PHLPP1: variants seen among roughly 807,000 people sequenced by gnomAD.
PHLPP1 encodes the protein PH domain and leucine rich repeat protein phosphatase 1.
Under a neutral mutation model 117.2 loss-of-function variants are expected in PHLPP1, and 42 were observed. The ratio of observed to expected loss-of-function variants is 0.36; its 90% confidence interval spans 0.28 to 0.46. PHLPP1 has a LOEUF of 0.46. Among genes scored for constraint, PHLPP1 ranks in the 20% least tolerant of loss-of-function variants. The pLI is 1.00. For synonymous variants in PHLPP1, 1,042 were observed against 970.7 expected (o/e 1.07, Z -1.37); for missense variants, 2,084 against 2,241.9 (o/e 0.93, Z 1.42).
Position 62,717,146 on chromosome 18 carries a change from A to G in PHLPP1, c.1463A>G (p.Lys488Arg), listed in dbSNP as rs1910778844. The change falls in exon 1 of 17, where the codon AAG (lysine) becomes AGG (arginine). Residue 488 changes from lysine to arginine, a missense_variant. Lys to Arg is a conservative substitution (Grantham distance 26). This residue lies in a region of PHLPP1 where 1,365 missense variants were observed against 1,605.9 expected (regional missense o/e 0.85). Coordinates refer to ENST00000262719, the MANE Select transcript of PHLPP1 (RefSeq NM_194449.4). ...ACCCGGCGCTTGGAGGCGGAGGAGAAGCCATTGCAGATCCAAAATGACTAC... is the reference window on the plus strand; with the variant it reads ...ACCCGGCGCTTGGAGGCGGAGGAGAGGCCATTGCAGATCCAAAATGACTAC... The part of the protein sequence containing the change: ...ETTRRLEAEE[K>R]PLQIQNDYLF... The G allele has an allele frequency of 1.2e-6, 2 of 1,610,954 alleles. No homozygotes were observed. Among genetic ancestry groups the G allele is most frequent in the South Asian group, 1.1e-5 (1 of 90,274 alleles).
intron 4 of PHLPP1, among the ~76,000 whole-genome samples, chr18:62,862,154 A>C (rs557202047): frequency 3.3e-5 from 5 of 151,364 alleles, no homozygotes; most frequent in Admixed American, 3.3e-4. Flanking sequence ...ATCTCGGCTC[A>C]CTGCAACCAC....
chr18:62,823,302 A>G (rs975015745), intron 1 of PHLPP1, among the ~76,000 whole-genome samples: 6 of 152,178 alleles, frequency 3.9e-5, no homozygotes, highest in African/African-American at 7.2e-5. Flanking sequence ...ACAGCGACTC[A>G]GGCTTATAAT....
At chr18:62,749,234 T>G (rs1457524522) in intron 1 of PHLPP1, among the ~76,000 whole-genome samples, 1 of 121,402 alleles carries the variant, frequency 8.2e-6, no homozygotes, top group Non-Finnish European at 1.7e-5. Flanking sequence ...ATATATAAGG[T>G]TTTTTTTTTT....
At chr18:62,839,132 A>C (rs1386582512) in intron 3 of PHLPP1, 3 of 492,750 alleles carry the variant, frequency 6.1e-6, no homozygotes, top group African/African-American at 5.8e-5. Flanking sequence ...CTTAAAAATA[A>C]ATTGGTCTGT....
chr18:62,766,102 T>TATATATATATATATATATATATAA (rs1491446982), intron 1 of PHLPP1, among the ~76,000 whole-genome samples: 18 of 60,656 alleles, frequency 3.0e-4, no homozygotes, highest in Admixed American at 7.6e-4. Context: ...TATATATATA[T>TATATATATATATATATATATATAA]AAAATATATA....
intron 10 of PHLPP1, among the ~76,000 whole-genome samples, chr18:62,934,924 A>G (rs185120415): frequency 1.1e-3 from 167 of 152,292 alleles, no homozygotes; most frequent in African/African-American, 3.8e-3. Context: ...CCTAAAGCCA[A>G]TTTCTTAATG....
At chr18:62,900,264 T>G (rs1223259862) in intron 6 of PHLPP1, among the ~76,000 whole-genome samples, 2 of 151,574 alleles carry the variant, frequency 1.3e-5, no homozygotes, top group African/African-American at 4.9e-5. Context: ...ACCACTGCAC[T>G]CCAACCTGGG....
At chr18:62,809,764 A>AT (rs950231068) in intron 1 of PHLPP1, among the ~76,000 whole-genome samples, 13 of 152,034 alleles carry the variant, frequency 8.6e-5, no homozygotes, top group African/African-American at 2.4e-4. Context: ...TTGGGGCACT[A>AT]TTTTTTTAAA....
intron 7 of PHLPP1, 147 bp downstream of exon 7, chr18:62,903,313 C>A: frequency 1.6e-6 from 1 of 627,416 alleles, no homozygotes; most frequent in East Asian, 2.7e-5. Flanking sequence ...AAGAAAAATG[C>A]TGACTTATTG....
At chr18:62,930,971 C>T (rs575765983) in intron 10 of PHLPP1, among the ~76,000 whole-genome samples, 2 of 151,896 alleles carry the variant, frequency 1.3e-5, no homozygotes, top group South Asian at 2.1e-4. Context: ...AGGAGGCTCA[C>T]GAGGTCAGGA....
chr18:62,817,980 G>T (rs1599063148), intron 1 of PHLPP1, among the ~76,000 whole-genome samples: 1 of 150,030 alleles, frequency 6.7e-6, no homozygotes, highest in African/African-American at 2.5e-5. Context: ...TCAGCCTCCC[G>T]AGTAGCTGGG....
At position 62,940,354 on chromosome 18, in the gene PHLPP1, C is replaced by CTTTTTTTTTTTTTTTTT. The variant is rs66530466; in HGVS notation, c.2961-1352_2961-1336dup. On this transcript the variant is annotated intron_variant, in intron 10 of 16. Coordinates refer to ENST00000262719, the MANE Select transcript of PHLPP1 (RefSeq NM_194449.4). ...ATCCACGTTTCTTTTTCTTTCTTTT[C>CTTTTTTTTTTTTTTTTT]TTTTTTTTTTTTTTTTTTTTTTTTT... 1.3e-3 allele frequency among the ~76,000 whole-genome samples: 61 copies of CTTTTTTTTTTTTTTTTT among 46,814 alleles called. 11 individuals are homozygous for CTTTTTTTTTTTTTTTTT. Among genetic ancestry groups the CTTTTTTTTTTTTTTTTT allele is most frequent in the African/African-American group, 2.0e-3 (21 of 10,398 alleles). 30.7% of individuals were successfully genotyped at this position (46,814 alleles called of 152,430 possible).
At chr18:62,809,545 G>A (rs967074689) in intron 1 of PHLPP1, among the ~76,000 whole-genome samples, 3 of 151,838 alleles carry the variant, frequency 2.0e-5, no homozygotes, top group Non-Finnish European at 4.4e-5. Flanking sequence ...CTAAAAATAC[G>A]AAAAAAATTA....
intron 4 of PHLPP1, among the ~76,000 whole-genome samples, chr18:62,871,406 CA>C (rs1220981226): frequency 1.3e-5 from 2 of 152,186 alleles, no homozygotes; most frequent in African/African-American, 4.8e-5. Context: ...CGGCTCACTG[CA>C]ACCTCTGCCT....
At chr18:62,815,925 A>G (rs1914259365) in intron 1 of PHLPP1, among the ~76,000 whole-genome samples, 1 of 152,246 alleles carries the variant, frequency 6.6e-6, no homozygotes, top group Admixed American at 6.5e-5. Flanking sequence ...CCTGTAGTCT[A>G]AAACAGACAT....
chr18:62,716,856 G>C lies in PHLPP1; in HGVS notation c.1173G>C (p.Pro391=), dbSNP rs1368148443. 6.6e-7 allele frequency: 1 copy of C among 1,521,872 alleles called. No individual in the cohort carries two copies. The highest frequency in any genetic ancestry group is 8.8e-7 in the Non-Finnish European group (1 of 1,140,896). 94.3% of individuals were successfully genotyped at this position (1,521,872 alleles called of 1,614,324 possible). ...CAGCCTCGGCCCCGACGGGGGTCCC[G>C]GGCCAGCCCCGCCGTCCCGGCCACC... ...ADAASAPTGV[P]GQPRRPGHPA... is the part of the protein sequence containing the mutation. The change falls in exon 1 of 17, where the codon CCG becomes CCC. Residue 391 remains proline, a synonymous_variant. Transcript: ENST00000262719. The surrounding 1 kb of genome is among the most constrained non-coding windows in gnomAD (Gnocchi z 5.7).
intron 3 of PHLPP1, among the ~76,000 whole-genome samples, chr18:62,840,511 GC>G (rs1915022890): frequency 6.6e-6 from 1 of 152,100 alleles, no homozygotes; most frequent in South Asian, 2.1e-4. Context: ...ATACCATTGG[GC>G]TTTTATATTT....
chr18:62,889,044 C>T (rs1599103935), intron 4 of PHLPP1, among the ~76,000 whole-genome samples: 1 of 152,168 alleles, frequency 6.6e-6, no homozygotes, highest in South Asian at 2.1e-4. Flanking sequence ...GACTGCTTTC[C>T]ACATCTAGAA....
intron 13 of PHLPP1, among the ~76,000 whole-genome samples, chr18:62,962,024 C>T (rs753886037): frequency 6.6e-6 from 1 of 152,156 alleles, no homozygotes; most frequent in African/African-American, 2.4e-5. Flanking sequence ...TGAGTACCAA[C>T]AGATAATTTT....
Sources: allele counts gnomAD v4.1 joint callset (sites outside exome capture counted in the v4.1 genomes callset), GRCh38; gene constraint gnomAD v4.1.1; regional missense constraint gnomAD v4.1.1; non-coding constraint Gnocchi (gnomAD v3.1); transcripts MANE v1.5; gene names NCBI Gene and HGNC (gene_info 2026-07-23, HGNC 2026-07-21).